Variants in STXBP4 observed in about 807,000 individuals in gnomAD.
The protein encoded by STXBP4 is syntaxin binding protein 4.
Under a neutral mutation model 76.1 loss-of-function variants are expected in STXBP4, and 55 were observed. The ratio of observed to expected loss-of-function variants is 0.72; its 90% CI spans 0.58 to 0.91. The LOEUF (loss-of-function observed/expected upper bound fraction) is 0.91. Among genes scored for constraint, STXBP4 ranks in the 40% least tolerant of loss-of-function variants. STXBP4 has a pLI of 0.00. For missense variants in STXBP4, 618 were observed against 636.9 expected (o/e 0.97, Z 0.32); for synonymous variants, 201 against 220.2 (o/e 0.91, Z 0.77).
intron 10 of STXBP4, among the ~76,000 whole-genome samples, chr17:55,040,067 G>A (rs183824619): frequency 6.6e-6 from 1 of 152,210 alleles, no homozygotes; most frequent in East Asian, 1.9e-4. Context: ...TCCATTTAAG[G>A]AGTAGACATG....
chr17:55,022,407 C>T (rs529238418), intron 8 of STXBP4, among the ~76,000 whole-genome samples: 1 of 151,756 alleles, frequency 6.6e-6, no homozygotes, highest in South Asian at 2.1e-4. Flanking sequence ...CTTAGATTAC[C>T]AAAGATTACA....
rs60746470 is a variant in STXBP4 at position 55,022,301 on chromosome 17, A to ATT, written c.667-8856_667-8855dup. ...TATCAAGGCATATATACTTTCTGTT[A>ATT]TTTTTTTTTTTTATTCTACCCTACT... On this transcript the variant is annotated intron_variant, in intron 8 of 17. Coordinates refer to ENST00000376352, the MANE Select transcript of STXBP4 (RefSeq NM_178509.6). Among the ~76,000 whole-genome samples, 15 of 147,380 alleles carry ATT rather than the reference A, an allele frequency of 1.0e-4. 1 individual carries two copies. The highest frequency in any genetic ancestry group is 6.9e-3 in the Middle Eastern group (2 of 290).
In STXBP4 at chr17:55,167,033, T is replaced by C. The variant is rs1296057292; in HGVS notation, c.*7122T>C. On this transcript the variant is annotated 3_prime_UTR_variant, in exon 18 of 18. Transcript: ENST00000376352. ...GGCCAGGATGGTCTGTTGTTTCTTA[T>C]CTGTTGTTGGCTTTGGGGTATTTTA... is the stretch of plus-strand genomic sequence containing the variant. The C allele has an allele frequency of 6.6e-6, 1 of 152,190 alleles. No homozygotes were observed. The highest frequency in any genetic ancestry group is 1.5e-5 in the Non-Finnish European group (1 of 68,042). 9.4% of individuals were successfully genotyped at this position (152,190 alleles called of 1,614,324 possible).
intron 17 of STXBP4, among the ~76,000 whole-genome samples, chr17:55,146,275 A>G (rs1007670034): frequency 6.6e-6 from 1 of 152,198 alleles, no homozygotes; most frequent in African/African-American, 2.4e-5. Context: ...CCAAAATTTT[A>G]GCTTAAACCA....
intron 1 of STXBP4, among the ~76,000 whole-genome samples, chr17:54,975,121 T>C (rs1182080893): frequency 2.6e-5 from 4 of 152,196 alleles, no homozygotes; most frequent in Non-Finnish European, 4.4e-5. Context: ...TGTTTAATGC[T>C]CTACTGTCAG....
At chr17:55,060,355 G>C (rs530663109) in intron 12 of STXBP4, among the ~76,000 whole-genome samples, 3 of 152,092 alleles carry the variant, frequency 2.0e-5, no homozygotes, top group African/African-American at 7.2e-5. Context: ...CACAATAAAT[G>C]AGTCTTTAAA....
At chr17:55,043,759 T>C in intron 11 of STXBP4, 2 of 1,010,948 alleles carry the variant, frequency 2.0e-6, no homozygotes, top group Non-Finnish European at 2.9e-6. Flanking sequence ...GGAATTAATA[T>C]TATTTTAGAG....
chr17:55,089,664 A>G (rs1015722003), intron 16 of STXBP4, among the ~76,000 whole-genome samples: 14 of 152,318 alleles, frequency 9.2e-5, no homozygotes, highest in African/African-American at 3.1e-4. Flanking sequence ...AATAGTTTTG[A>G]ACTACATGTT....
At chr17:55,128,596 T>TTTTGTTTG (rs77698622) in intron 16 of STXBP4, among the ~76,000 whole-genome samples, 7 of 152,180 alleles carry the variant, frequency 4.6e-5, no homozygotes, top group African/African-American at 1.4e-4. Flanking sequence ...TTCATAGTCC[T>TTTTGTTTG]TTTGTTTGTT....
chr17:55,109,715 CA>C (rs1252263861), intron 16 of STXBP4, among the ~76,000 whole-genome samples: 1 of 151,414 alleles, frequency 6.6e-6, no homozygotes, highest in Admixed American at 6.6e-5. Flanking sequence ...CTGCAACCTC[CA>C]CCTCCTGGGT....
chr17:55,039,349 A>AG (rs2078656888), intron 10 of STXBP4, among the ~76,000 whole-genome samples: 1 of 151,308 alleles, frequency 6.6e-6, no homozygotes, highest in Admixed American at 6.6e-5. Flanking sequence ...AGTCTACTTA[A>AG]AAAAAAAAAG....
chr17:55,175,883 C>T (rs1476331074), downstream of STXBP4, among the ~76,000 whole-genome samples: 1 of 152,106 alleles, frequency 6.6e-6, no homozygotes, highest in Non-Finnish European at 1.5e-5. Flanking sequence ...AGAAGGAAGC[C>T]AACCCAAAAG....
At chr17:55,132,613 T>G (rs1259497263) in intron 16 of STXBP4, among the ~76,000 whole-genome samples, 1 of 152,226 alleles carries the variant, frequency 6.6e-6, no homozygotes, top group Non-Finnish European at 1.5e-5. Flanking sequence ...GATTCCTTAA[T>G]TCAGCAACTA....
intron 16 of STXBP4, among the ~76,000 whole-genome samples, chr17:55,115,334 A>G (rs565061534): frequency 6.6e-6 from 1 of 151,978 alleles, no homozygotes; most frequent in African/African-American, 2.4e-5. Context: ...TAATCCAAAG[A>G]TAGGAAAAAT....
chr17:55,173,840 T>A (rs1443357929), downstream of STXBP4, among the ~76,000 whole-genome samples: 1 of 152,192 alleles, frequency 6.6e-6, no homozygotes, highest in Non-Finnish European at 1.5e-5. Context: ...ATCAGCAGGG[T>A]TGTATTTCTT....
intron 12 of STXBP4, among the ~76,000 whole-genome samples, chr17:55,066,150 A>G (rs2079048079): frequency 6.6e-6 from 1 of 152,232 alleles, no homozygotes; most frequent in South Asian, 2.1e-4. Context: ...ATTTAGTCTT[A>G]GAGAACATGC....
intron 8 of STXBP4, among the ~76,000 whole-genome samples, chr17:55,010,350 G>A (rs1005882235): frequency 1.3e-5 from 2 of 151,940 alleles, no homozygotes; most frequent in African/African-American, 2.4e-5. Flanking sequence ...ATTGGTTTAA[G>A]TAGAGAAATT....
At chr17:55,098,450 A>T (rs1451579219) in intron 16 of STXBP4, among the ~76,000 whole-genome samples, 1 of 152,202 alleles carries the variant, frequency 6.6e-6, no homozygotes, top group Non-Finnish European at 1.5e-5. Flanking sequence ...CTAAAATTGC[A>T]TAGGAATGAG....
At chr17:55,202,328 C>T in the STXBP4 span, among the ~76,000 whole-genome samples, 2 of 151,824 alleles carry the variant, frequency 1.3e-5, no homozygotes, top group African/African-American at 2.4e-5. Flanking sequence ...AAGATAAAAT[C>T]AAAGGAAATA....
Sources: gnomAD v4.1 joint callset for allele counts (sites outside exome capture counted in the v4.1 genomes callset) on GRCh38, gnomAD v4.1.1 for gene constraint, MANE v1.5 for transcripts, NCBI Gene and HGNC (gene_info 2026-07-23, HGNC 2026-07-21) for gene names.